ASIP: variants seen among roughly 807,000 people sequenced by gnomAD.
ASIP encodes the protein agouti signaling protein.
ASIP carries 11 observed loss-of-function variants against 10.3 expected under a neutral mutation model. That is an observed-to-expected ratio of 1.07 (90% CI 0.68 to 1.78). ASIP has a LOEUF of 1.78. Ranked by LOEUF, ASIP falls within the 40% of genes most tolerant of loss-of-function variation. The pLI is 0.00. For synonymous variants in ASIP, 70 were observed against 70.8 expected (o/e 0.99, Z 0.06); for missense variants, 180 against 169.2 (o/e 1.06, Z -0.35).
intron 1 of ASIP, among the ~76,000 whole-genome samples, chr20:34,196,688 A>G (rs12480555): frequency 0.11 from 16,280 of 152,248 alleles, 921 homozygotes; most frequent in South Asian, 0.18. Context: ...TAGAGTCTGT[A>G]ATTAGTTCCC....
rs78189425 is a variant in ASIP at position 34,233,553 on chromosome 20, C to T, written c.-10-26812C>T. 2.3e-3 allele frequency among the ~76,000 whole-genome samples: 354 copies of T among 152,236 alleles called. 3 individuals are homozygous for T. The highest frequency in any genetic ancestry group is 8.0e-3 in the African/African-American group (334 of 41,534). The stretch of plus-strand genomic sequence containing the variant: ...CTCTGTGAATAAACTAAAAACCTTC[C>T]AAAGGGTGAATTTTATGATATGTGA... On this transcript the variant is annotated intron_variant, in intron 1 of 3. Transcript: ENST00000568305.
chr20:34,210,622 A>G (rs2034968389), intron 1 of ASIP, among the ~76,000 whole-genome samples: 1 of 152,226 alleles, frequency 6.6e-6, no homozygotes, highest in African/African-American at 2.4e-5. Context: ...TGGGCAGAAT[A>G]AGACCAGCGG....
At chr20:34,236,897 A>G (rs550026540), upstream of ASIP, among the ~76,000 whole-genome samples, 1 of 152,250 alleles carries the variant, frequency 6.6e-6, no homozygotes, top group Non-Finnish European at 1.5e-5. Context: ...GTGTTAGGTA[A>G]GAGTCTAACT....
At chr20:34,205,858 T>C (rs2034933177) in intron 1 of ASIP, among the ~76,000 whole-genome samples, 1 of 151,900 alleles carries the variant, frequency 6.6e-6, no homozygotes, top group Non-Finnish European at 1.5e-5. Flanking sequence ...AACCTTTAGC[T>C]AGACACAGAG....
chr20:34,189,930 T>G (rs190294204), upstream of ASIP, among the ~76,000 whole-genome samples: 1 of 152,164 alleles, frequency 6.6e-6, no homozygotes, highest in Non-Finnish European at 1.5e-5. Flanking sequence ...CTCGGTCCGG[T>G]GGACTGCTGC....
chr20:34,204,583 A>G (rs1398935112), intron 1 of ASIP, among the ~76,000 whole-genome samples: 1 of 152,176 alleles, frequency 6.6e-6, no homozygotes, highest in Non-Finnish European at 1.5e-5. Context: ...ATGATGAATA[A>G]AAGTGAAAAT....
At chr20:34,200,021 T>C (rs1376915938) in intron 1 of ASIP, among the ~76,000 whole-genome samples, 1 of 152,226 alleles carries the variant, frequency 6.6e-6, no homozygotes, top group Admixed American at 6.5e-5. Flanking sequence ...CTCTTTAATA[T>C]ATATTGTTAT....
intron 2 of ASIP, among the ~76,000 whole-genome samples, chr20:34,261,871 G>A (rs932654989): frequency 5.9e-5 from 9 of 152,134 alleles, no homozygotes; most frequent in Admixed American, 5.9e-4. Flanking sequence ...CCAGCGCTTT[G>A]GGAGGCCAAG....
At chr20:34,223,404 C>A (rs2035066172) in intron 1 of ASIP, among the ~76,000 whole-genome samples, 2 of 151,590 alleles carry the variant, frequency 1.3e-5, no homozygotes, top group Admixed American at 1.3e-4. Flanking sequence ...ACCGCCCCGT[C>A]TGAGAAGTGA....
rs151128411 is a variant in ASIP at position 34,203,411 on chromosome 20, T to A, written c.-11+8651T>A. Among the ~76,000 whole-genome samples, 1,143 of 149,924 alleles carry A rather than the reference T, an allele frequency of 7.6e-3. 20 individuals carry two copies. Among genetic ancestry groups the A allele is most frequent in the African/African-American group, 0.025 (1,031 of 40,526 alleles). ...ATATATATGTATATTATATATATATTTTTTGAGACACGGTTTCACTCTGTC... is the reference window on the plus strand; with the variant it reads ...ATATATATGTATATTATATATATATATTTTGAGACACGGTTTCACTCTGTC... On this transcript the variant is annotated intron_variant, in intron 1 of 3. Coordinates refer to the ASIP transcript ENST00000568305.
At chr20:34,234,661 GC>G (rs2035154681) in intron 1 of ASIP, among the ~76,000 whole-genome samples, 1 of 152,038 alleles carries the variant, frequency 6.6e-6, no homozygotes, top group Non-Finnish European at 1.5e-5. Flanking sequence ...AATTCGCCGG[GC>G]GTGGTGGCAG....
chr20:34,259,666 C>G (rs956822462), intron 1 of ASIP, among the ~76,000 whole-genome samples: 1 of 152,016 alleles, frequency 6.6e-6, no homozygotes, highest in Non-Finnish European at 1.5e-5. Flanking sequence ...AGGAGAATCA[C>G]TTGTACCTGG....
intron 1 of ASIP, among the ~76,000 whole-genome samples, chr20:34,249,144 A>G (rs2035431520): frequency 6.6e-6 from 1 of 152,088 alleles, no homozygotes; most frequent in Non-Finnish European, 1.5e-5. Context: ...AAAAAAATCT[A>G]ATAATGCAAA....
At chr20:34,189,108 A>G in the ASIP span, among the ~76,000 whole-genome samples, 1 of 152,164 alleles carries the variant, frequency 6.6e-6, no homozygotes, top group Non-Finnish European at 1.5e-5. Flanking sequence ...TCTCACAACG[A>G]CCGTGAGGCA....
chr20:34,218,822 C>T, intron 1 of ASIP, among the ~76,000 whole-genome samples: 1 of 152,064 alleles, frequency 6.6e-6, no homozygotes, highest in East Asian at 1.9e-4. Flanking sequence ...GCCACCACGC[C>T]CAGCTAATTT....
chr20:34,262,804 A>G, intron 2 of ASIP, 28 bp from the exon 3 acceptor site: 1 of 1,613,344 alleles, frequency 6.2e-7, no homozygotes, highest in Non-Finnish European at 8.5e-7. Context: ...GAAACATCTG[A>G]CTTTGCTCCT....
At chr20:34,190,172 G>A (rs942347571), upstream of ASIP, among the ~76,000 whole-genome samples, 10 of 152,156 alleles carry the variant, frequency 6.6e-5, no homozygotes, top group African/African-American at 2.4e-4. Flanking sequence ...ACTATCCCTT[G>A]TGACACTGTG....
chr20:34,260,317 C>G, intron 1 of ASIP, 48 bp from the exon 2 acceptor site: 1 of 1,559,126 alleles, frequency 6.4e-7, no homozygotes, highest in Non-Finnish European at 8.7e-7. Flanking sequence ...AGGCCTCTTA[C>G]CATTACCCCT....
intron 1 of ASIP, among the ~76,000 whole-genome samples, chr20:34,255,267 C>T (rs974776736): frequency 2.0e-5 from 3 of 152,296 alleles, no homozygotes; most frequent in East Asian, 1.9e-4. Context: ...TCAGCCCCCT[C>T]GTTCTCAATC....
Sources: gnomAD v4.1 joint callset for allele counts (sites outside exome capture counted in the v4.1 genomes callset) on GRCh38, gnomAD v4.1.1 for gene constraint, MANE v1.5 for transcripts, NCBI Gene and HGNC (gene_info 2026-07-23, HGNC 2026-07-21) for gene names.